NCR1: variants seen among roughly 807,000 people sequenced by gnomAD.
NCR1 encodes the protein NK cell-activating receptor.
A neutral mutation model predicts 32.5 loss-of-function variants in NCR1; 30 were observed. The observed-to-expected ratio is 0.92, with a 90% CI of 0.69 to 1.25. The LOEUF (loss-of-function observed/expected upper bound fraction) is 1.25. Among genes scored for constraint, NCR1 ranks in the 50% most tolerant of loss-of-function variants. The pLI is 0.00. For synonymous variants in NCR1, 169 were observed against 143.4 expected, an observed-to-expected ratio of 1.18 and a Z score of -1.28; for missense variants, 369 against 380.7, an observed-to-expected ratio of 0.97 and a Z score of 0.26.
At chr19:54,928,481 T>G in the NCR1 span, among the ~76,000 whole-genome samples, 1 of 152,148 alleles carries the variant, frequency 6.6e-6, no homozygotes, top group African/African-American at 2.4e-5. Flanking sequence ...GAAGAAATCC[T>G]TGTCCTCAGA....
the NCR1 span, chr19:54,927,614 T>C: frequency 6.2e-7 from 1 of 1,613,970 alleles, no homozygotes; most frequent in Non-Finnish European, 8.5e-7. Context: ...CCTGAGTATC[T>C]TCAAGGATCC....
chr19:54,937,951 G>T, the NCR1 span: 6 of 849,528 alleles, frequency 7.1e-6, no homozygotes, highest in Non-Finnish European at 1.2e-5. Context: ...AATACATGGA[G>T]ATGAAACAGC....
At chr19:54,926,225 T>TGTGTGTGC in the NCR1 span, among the ~76,000 whole-genome samples, 5 of 151,184 alleles carry the variant, frequency 3.3e-5, no homozygotes, top group African/African-American at 7.3e-5. Flanking sequence ...TGTGTGTGTG[T>TGTGTGTGC]GTGCTCATGC....
chr19:54,927,612 T>C, the NCR1 span: 1 of 1,613,880 alleles, frequency 6.2e-7, no homozygotes, highest in South Asian at 1.1e-5. Flanking sequence ...TACCTGAGTA[T>C]CTTCAAGGAT....
the NCR1 span, among the ~76,000 whole-genome samples, chr19:54,933,102 A>T: frequency 1.2e-4 from 18 of 152,100 alleles, no homozygotes; most frequent in Non-Finnish European, 2.1e-4. Flanking sequence ...CTCTGCTGAC[A>T]TGCAAATATT....
chr19:54,905,967 G>A (rs587764593), upstream of NCR1, among the ~76,000 whole-genome samples: 5 of 152,314 alleles, frequency 3.3e-5, no homozygotes, highest in South Asian at 1.0e-3. Flanking sequence ...AATTGTCAGA[G>A]TTGCTGGCTA....
upstream of NCR1, among the ~76,000 whole-genome samples, chr19:54,903,337 T>TATATAC (rs1491462763): frequency 8.1e-6 from 1 of 123,298 alleles, no homozygotes; most frequent in Non-Finnish European, 1.7e-5. Context: ...TACATGTATG[T>TATATAC]ATATACATAT....
the NCR1 span, among the ~76,000 whole-genome samples, chr19:54,926,205 G>GGTGTGTGTGTGTGTGTGTGT: frequency 6.3e-5 from 9 of 143,744 alleles, no homozygotes; most frequent in African/African-American, 2.2e-4. Context: ...AATGATTAGG[G>GGTGTGTGTGTGTGTGTGTGT]GTGTGTGTGT....
chr19:54,905,333 G>A (rs587694366), upstream of NCR1, among the ~76,000 whole-genome samples: 22 of 151,862 alleles, frequency 1.4e-4, no homozygotes, highest in Admixed American at 9.3e-4. Flanking sequence ...CAGAGAGACC[G>A]AGGGGTTGAG....
At chr19:54,903,350 G>GTATATATACATGTATGTATATA (rs1569535517), upstream of NCR1, among the ~76,000 whole-genome samples, 8 of 108,270 alleles carry the variant, frequency 7.4e-5, no homozygotes, top group African/African-American at 3.6e-4. Context: ...ATACATATAT[G>GTATATATACATGTATGTATATA]CATATATACA....
chr19:54,937,900 CAAAAAAAAA>C, the NCR1 span: 6 of 516,818 alleles, frequency 1.2e-5, no homozygotes, highest in Non-Finnish European at 2.0e-5. Context: ...TCCGTCTCAC[CAAAAAAAAA>C]AAAAAAAAAA....
intron 5 of NCR1, among the ~76,000 whole-genome samples, chr19:54,911,901 CAGTG>C (rs767033751): frequency 9.4e-5 from 14 of 148,922 alleles, no homozygotes; most frequent in African/African-American, 1.5e-4. Context: ...GGCTGGAACA[CAGTG>C]AGACTCTATC....
intron 6 of NCR1, 144 bp downstream of exon 6, chr19:54,912,362 C>T (rs560072336): frequency 3.2e-5 from 26 of 804,352 alleles, no homozygotes; most frequent in Middle Eastern, 5.1e-4. Context: ...TTTGGGAGGC[C>T]GAGGCGGGCA....
rs1278261642 is a variant in NCR1, at chr19:54,912,928, G to C, written c.*57G>C. 8.3e-6 allele frequency: 13 copies of C among 1,556,950 alleles called. No individual in the cohort carries two copies. Among genetic ancestry groups the C allele is most frequent in the Non-Finnish European group, 1.1e-5 (13 of 1,146,616 alleles). ...GGATCTGAAAGCTGGTGTTGAGCCT[G>C]GGCGGCGTGAGCTCTGTGTTGGACC... is the stretch of plus-strand genomic sequence containing the variant. On this transcript the variant is annotated 3_prime_UTR_variant, in exon 7 of 7. Coordinates refer to ENST00000291890, the MANE Select transcript of NCR1 (RefSeq NM_004829.7).
At chr19:54,923,999 G>T in the NCR1 span, 13 of 1,009,880 alleles carry the variant, frequency 1.3e-5, no homozygotes, top group Middle Eastern at 2.1e-4. Context: ...ACAGGGTCTT[G>T]CTCTGTTGCC....
the NCR1 span, among the ~76,000 whole-genome samples, chr19:54,932,441 G>T: frequency 7.4e-6 from 1 of 135,904 alleles, no homozygotes; most frequent in African/African-American, 2.8e-5. Context: ...AAAAAAAAAT[G>T]AATCTCAGAA....
chr19:54,918,435 AT>A (rs1177230925), downstream of NCR1, among the ~76,000 whole-genome samples: 3 of 151,872 alleles, frequency 2.0e-5, no homozygotes, highest in Non-Finnish European at 2.9e-5. Context: ...TGCCTGGCTA[AT>A]TTTTTGTACT....
chr19:54,934,639 G>A, the NCR1 span: 1 of 1,613,702 alleles, frequency 6.2e-7, no homozygotes, highest in Admixed American at 1.7e-5. The surrounding 1 kb of genome is among the most constrained non-coding windows in gnomAD (Gnocchi z 6.7). Context: ...CTGCTCCGGG[G>A]TGGCACAGTG....
the NCR1 span, chr19:54,930,731 T>C: frequency 7.5e-7 from 1 of 1,332,720 alleles, no homozygotes; most frequent in Non-Finnish European, 1.1e-6. Context: ...GAAGCAGTTA[T>C]TTCCAACACT....
Sources: gnomAD v4.1 joint callset for allele counts (sites outside exome capture counted in the v4.1 genomes callset) on GRCh38, gnomAD v4.1.1 for gene constraint, Gnocchi (gnomAD v3.1) non-coding constraint, MANE v1.5 for transcripts, NCBI Gene and HGNC (gene_info 2026-07-23, HGNC 2026-07-21) for gene names.